CARS2: variants seen among roughly 807,000 people sequenced by gnomAD.
The protein encoded by CARS2 is cysteinyl-tRNA synthetase 2, mitochondrial.
A neutral mutation model predicts 68.8 loss-of-function variants in CARS2; 52 were observed. That is an observed-to-expected ratio of 0.76 (90% CI 0.61 to 0.95). The LOEUF is 0.95. Among genes scored for constraint, CARS2 ranks in the 40% least tolerant of loss-of-function variants. The pLI is 0.00. For synonymous variants in CARS2, 314 were observed against 303.6 expected (o/e 1.03, Z -0.36); for missense variants, 780 against 754.2 (o/e 1.03, Z -0.40).
chr13:110,678,444 A>G (rs922948591), intron 6 of CARS2, among the ~76,000 whole-genome samples: 2 of 152,190 alleles, frequency 1.3e-5, no homozygotes, highest in Non-Finnish European at 2.9e-5. Context: ...ACCCGGGAGC[A>G]CTGACACAGG....
In CARS2 at chr13:110,679,603, G is replaced by A. The variant is rs894561434; in HGVS notation, c.656-2500C>T. On this transcript the variant is annotated intron_variant, in intron 6 of 14. Transcript: ENST00000257347. ...AGAAAGAAAGAAAGAAAGAAAGAGA[G>A]AGAGAGAGAGAGAGAGAGAGAGGGA... Among the ~76,000 whole-genome samples the A allele has an allele frequency of 5.4e-3, 456 of 84,952 alleles. 3 individuals carry two copies. Among genetic ancestry groups the A allele is most frequent in the African/African-American group, 0.02 (420 of 21,016 alleles). The allele number at this position is 84,952 out of a possible 152,430, so 55.7% of individuals were successfully genotyped here. A position where few individuals can be genotyped will look rare whatever the true frequency, so the allele number is the denominator to read the frequency against.
At chr13:110,642,836 C>G (rs1423053815) in intron 13 of CARS2, 2 of 622,180 alleles carry the variant, frequency 3.2e-6, no homozygotes, top group Non-Finnish European at 6.0e-6. Flanking sequence ...GCTTCCAGAC[C>G]TCACGCAATT....
At chr13:110,711,065 A>G (rs924839362), upstream of CARS2, among the ~76,000 whole-genome samples, 15 of 152,224 alleles carry the variant, frequency 9.9e-5, no homozygotes, top group African/African-American at 3.6e-4. Flanking sequence ...CTAGGAATAG[A>G]AGAACCGGTC....
intron 3 of CARS2, among the ~76,000 whole-genome samples, chr13:110,694,657 T>G (rs1339893017): frequency 6.6e-6 from 1 of 151,774 alleles, no homozygotes; most frequent in African/African-American, 2.4e-5. Context: ...CAAAACAAAA[T>G]GTTACTATGT....
rs1028755567 is a variant in CARS2 at position 110,705,836 on chromosome 13, GC to G, written c.224+33del. On this transcript the variant is annotated intron_variant, in intron 1 of 14. Coordinates refer to ENST00000257347, the MANE Select transcript of CARS2 (RefSeq NM_024537.4). The surrounding 1 kb of genome is among the most constrained non-coding windows in gnomAD (Gnocchi z 4.0). Reference sequence around the variant, plus strand: ...CCGTGGGAAGTCTCCGCCACGATCGGCCCCCGCCCGTGCCCCAGTCCCGCGC... The same window carrying G: ...CCGTGGGAAGTCTCCGCCACGATCGGCCCCGCCCGTGCCCCAGTCCCGCGC... 2 of 1,534,124 alleles carry G rather than the reference GC, an allele frequency of 1.3e-6. No homozygotes were observed. The highest frequency in any genetic ancestry group is 8.8e-7 in the Non-Finnish European group (1 of 1,142,254).
upstream of CARS2, among the ~76,000 whole-genome samples, chr13:110,706,770 C>G (rs114830367): frequency 3.1e-3 from 460 of 148,078 alleles, 5 homozygotes; most frequent in African/African-American, 0.011. Flanking sequence ...CACCCCAGCA[C>G]ACACATCAGC....
At chr13:110,711,543 T>C (rs1396371642) in intron 1 of CARS2, among the ~76,000 whole-genome samples, 3 of 152,240 alleles carry the variant, frequency 2.0e-5, no homozygotes, top group Admixed American at 2.0e-4. Flanking sequence ...GCAGACCAAG[T>C]AGTGGCCAAT....
chr13:110,665,232 G>A lies in CARS2; in HGVS notation c.920-1714C>T. 1.1e-6 allele frequency: 1 copy of A among 898,678 alleles called. No homozygotes were observed. Among genetic ancestry groups the A allele is most frequent in the Non-Finnish European group, 1.3e-6 (1 of 750,776 alleles). The allele number at this position is 898,678 out of a possible 1,614,324, so 55.7% of individuals were successfully genotyped here. On this transcript the variant is annotated intron_variant, in intron 8 of 14. Transcript: ENST00000257347. The surrounding 1 kb of genome is among the most constrained non-coding windows in gnomAD (Gnocchi z 4.3). ...GAGGCAGAGGTGGCAGATCACTTGA[G>A]GTCAGGGGTTTGAGCCCAGCCTGGC...
intron 3 of CARS2, among the ~76,000 whole-genome samples, chr13:110,699,083 CT>C (rs2063709419): frequency 6.6e-6 from 1 of 152,200 alleles, no homozygotes; most frequent in Admixed American, 6.5e-5. Context: ...TTTCTCTCCC[CT>C]TGACCTCTTG....
At chr13:110,664,291 G>A (rs1030677653) in intron 8 of CARS2, 98 of 726,778 alleles carry the variant, frequency 1.3e-4, no homozygotes, top group Non-Finnish European at 1.4e-4. Flanking sequence ...AGGACCGCTT[G>A]AGCCCAGGAG....
At chr13:110,709,202 T>C (rs1037416377), upstream of CARS2, among the ~76,000 whole-genome samples, 12 of 151,264 alleles carry the variant, frequency 7.9e-5, no homozygotes, top group Non-Finnish European at 1.5e-5. Context: ...GTTCAAGCAA[T>C]TCTCCTGCTT....
rs569043158 is a variant in CARS2 at position 110,653,540 on chromosome 13, G to T, written c.988-2440C>A. Among the ~76,000 whole-genome samples, 1 of 152,130 alleles carries T rather than the reference G, an allele frequency of 6.6e-6. No homozygotes were observed. The highest frequency in any genetic ancestry group is 6.5e-5 in the Admixed American group (1 of 15,278). ...ACGCTCCCCACTTCATTCCAAAAAC[G>T]ATTTCACCTGGCTTTCTCTCAAAGG... On this transcript the variant is annotated intron_variant, in intron 9 of 14. Coordinates refer to ENST00000257347, the MANE Select transcript of CARS2 (RefSeq NM_024537.4). The surrounding 1 kb of genome is among the most constrained non-coding windows in gnomAD (Gnocchi z 5.6).
Position 110,647,185 on chromosome 13 carries a change from A to G in CARS2, c.1109T>C (p.Leu370Pro). 1 of 1,613,238 alleles carries G rather than the reference A, an allele frequency of 6.2e-7. No homozygotes were observed. The highest frequency in any genetic ancestry group is 1.1e-5 in the South Asian group (1 of 90,960). Residue 370 changes from leucine to proline, a missense_variant, in exon 11 of 15, where the codon CTG (leucine) becomes CCG (proline). Transcript: ENST00000257347. ...ACGTGCGTCCTCCAGGAAAGAGCCC[A>G]GCCCCAGGAGCAGCTGCTGAGCTTG... ...MLQAQQLLLG[L>P]GSFLEDARAY... is the part of the protein sequence containing the mutation.
At chr13:110,651,007 A>C in intron 10 of CARS2, 27 bp downstream of exon 10, 2 of 1,555,752 alleles carry the variant, frequency 1.3e-6, no homozygotes, top group Non-Finnish European at 1.8e-6. Context: ...CTGGGGGGGG[A>C]GTCCACTCCA....
intron 7 of CARS2, among the ~76,000 whole-genome samples, chr13:110,667,926 A>G (rs1004211286): frequency 2.6e-5 from 4 of 152,252 alleles, no homozygotes; most frequent in Non-Finnish European, 5.9e-5. Context: ...TTTCTCCTAC[A>G]GTGCTGTGCC....
Position 110,653,735 on chromosome 13 carries a change from C to T in CARS2, c.988-2635G>A, listed in dbSNP as rs901358768. On this transcript the variant is annotated intron_variant, in intron 9 of 14. Coordinates refer to ENST00000257347, the MANE Select transcript of CARS2 (RefSeq NM_024537.4). This position sits in a 1 kb window ranked among gnomAD's most constrained non-coding sequence, Gnocchi z 5.6. ...AGTAGTTCTAATAGAAATCTGGAAT[C>T]TAATCTTTCTAGAGCATTGAGTTTA... is the stretch of plus-strand genomic sequence containing the variant. Among the ~76,000 whole-genome samples, 7 of 152,314 alleles carry T rather than the reference C, an allele frequency of 4.6e-5. No homozygotes were observed. The highest frequency in any genetic ancestry group is 4.6e-4 in the Admixed American group (7 of 15,306).
intron 9 of CARS2, among the ~76,000 whole-genome samples, chr13:110,661,162 C>T (rs1391763902): frequency 6.6e-6 from 1 of 152,202 alleles, no homozygotes; most frequent in African/African-American, 2.4e-5. Context: ...CAATAGTCAG[C>T]CTGTCCTTTG....
At chr13:110,689,130 C>T (rs2139866480) in intron 3 of CARS2, among the ~76,000 whole-genome samples, 1 of 152,300 alleles carries the variant, frequency 6.6e-6, no homozygotes, top group Admixed American at 6.5e-5. Flanking sequence ...GAGGCTGAGA[C>T]ACAAGACTAG....
intron 9 of CARS2, among the ~76,000 whole-genome samples, chr13:110,662,418 C>G (rs2062536062): frequency 6.6e-6 from 1 of 152,254 alleles, no homozygotes; most frequent in Non-Finnish European, 1.5e-5. Flanking sequence ...CTGCGTCATG[C>G]AACCCCGTGG....
Sources: gnomAD v4.1 joint callset for allele counts (sites outside exome capture counted in the v4.1 genomes callset) on GRCh38, gnomAD v4.1.1 for gene constraint, Gnocchi (gnomAD v3.1) non-coding constraint, MANE v1.5 for transcripts, NCBI Gene and HGNC (gene_info 2026-07-23, HGNC 2026-07-21) for gene names.